CNGA1: variants seen among roughly 807,000 people sequenced by gnomAD.
CNGA1 encodes the protein cyclic nucleotide gated channel subunit alpha 1.
A neutral mutation model predicts 69.7 loss-of-function variants in CNGA1; 53 were observed. That is an observed-to-expected ratio of 0.76 (90% CI 0.61 to 0.96). CNGA1 has a LOEUF of 0.96. CNGA1 is among the 40% of genes least tolerant of loss of function. The probability of loss-of-function intolerance (pLI) is 0.00; values close to 1 mark genes in which losing one functional copy is unlikely to be tolerated. For synonymous variants in CNGA1, 249 were observed against 283.5 expected, an observed-to-expected ratio of 0.88 and a Z score of 1.22; for missense variants, 739 against 811.2, an observed-to-expected ratio of 0.91 and a Z score of 1.08.
intron 6 of CNGA1, among the ~76,000 whole-genome samples, chr4:47,948,062 C>T (rs539206657): frequency 6.6e-6 from 1 of 152,246 alleles, no homozygotes; most frequent in East Asian, 1.9e-4. Context: ...TATATTATGA[C>T]TATTCATTTG....
chr4:47,938,537 C>A (rs571111344), intron 10 of CNGA1, among the ~76,000 whole-genome samples: 6 of 152,068 alleles, frequency 3.9e-5, no homozygotes, highest in African/African-American at 1.2e-4. Flanking sequence ...GGACTACAGG[C>A]ACGTGCCACC....
intron 3 of CNGA1, among the ~76,000 whole-genome samples, chr4:47,980,722 C>G (rs1451584666): frequency 6.6e-6 from 1 of 152,114 alleles, no homozygotes; most frequent in South Asian, 2.1e-4. Context: ...GATCTACCTA[C>G]TCCAGCCTCC....
Position 47,976,231 on chromosome 4 carries a change from ACATATATATG to A in CNGA1, c.-15+5152_-15+5161del, listed in dbSNP as rs1336265539. Reference sequence around the variant, plus strand: ...TATATATACACATACATATATATATACATATATATGTATATATATATACACATACATATAT... The same window carrying A: ...TATATATACACATACATATATATATATATATATATATACACATACATATAT... On this transcript the variant is annotated intron_variant, in intron 3 of 10. Transcript: ENST00000514170. Among the ~76,000 whole-genome samples, 8 of 59,184 alleles carry A rather than the reference ACATATATATG, an allele frequency of 1.4e-4. 1 individual carries two copies. Among genetic ancestry groups the A allele is most frequent in the African/African-American group, 1.3e-3 (8 of 6,310 alleles). 38.8% of individuals were successfully genotyped at this position (59,184 alleles called of 152,430 possible). A position where few individuals can be genotyped will look rare whatever the true frequency, so the allele number is the denominator to read the frequency against.
chr4:47,965,224 G>A (rs1187585549), intron 3 of CNGA1, among the ~76,000 whole-genome samples: 2 of 152,080 alleles, frequency 1.3e-5, no homozygotes, highest in Non-Finnish European at 2.9e-5. Flanking sequence ...CCATTAGTTT[G>A]AGGTAGATGT....
chr4:47,968,766 A>C (rs77224564), intron 3 of CNGA1, among the ~76,000 whole-genome samples: 2,427 of 152,228 alleles, frequency 0.016, 65 homozygotes, highest in African/African-American at 0.056. Flanking sequence ...GGGCCTGGGT[A>C]AGTAGGATTT....
At position 47,951,463 on chromosome 4, in the gene CNGA1, A is replaced by G; in HGVS notation, c.114T>C (p.Phe38=). ...TAGAGGCACTGTCATCATCCTCAGA[A>G]AAGGAGCTACAGTCCAATAGGAGGC... is the stretch of plus-strand genomic sequence containing the variant. ...RRMENGACSS[F]SEDDDSASTS... is the part of the protein sequence containing the mutation. The change falls in exon 5 of 11, where the codon TTT becomes TTC. Residue 38 remains phenylalanine (F), a synonymous_variant. Coordinates refer to ENST00000514170, the MANE Select transcript of CNGA1 (RefSeq NM_001379270.1). 3 of 1,607,282 alleles carry G rather than the reference A, an allele frequency of 1.9e-6. No homozygotes were observed. Among genetic ancestry groups the G allele is most frequent in the Non-Finnish European group, 2.6e-6 (3 of 1,173,938 alleles).
chr4:47,948,460 G>A (rs991740185), intron 6 of CNGA1, among the ~76,000 whole-genome samples: 12 of 152,212 alleles, frequency 7.9e-5, no homozygotes, highest in Admixed American at 7.9e-4. Context: ...GGTGACAAAT[G>A]TAGGAAAGGT....
At chr4:47,984,505 C>G (rs561083017) in intron 2 of CNGA1, among the ~76,000 whole-genome samples, 1 of 151,948 alleles carries the variant, frequency 6.6e-6, no homozygotes, top group South Asian at 2.1e-4. Context: ...GTAATCCCAG[C>G]TACTCAGGAG....
chr4:47,945,457 G>C (rs914392642), intron 6 of CNGA1, among the ~76,000 whole-genome samples: 1 of 152,112 alleles, frequency 6.6e-6, no homozygotes, highest in Admixed American at 6.6e-5. Flanking sequence ...AGAATACTTA[G>C]ATACATTGAA....
chr4:47,981,792 T>C (rs1159204451), intron 2 of CNGA1, among the ~76,000 whole-genome samples: 1 of 152,202 alleles, frequency 6.6e-6, no homozygotes, highest in East Asian at 1.9e-4. Flanking sequence ...ACATGTACTA[T>C]TGCCTGATGA....
intron 2 of CNGA1, among the ~76,000 whole-genome samples, chr4:47,991,665 G>T (rs28869239): frequency 0.02 from 3,033 of 152,212 alleles, 102 homozygotes; most frequent in African/African-American, 0.069. Flanking sequence ...AAGCACTTTA[G>T]TTTAATTAAG....
chr4:47,986,182 C>G (rs575618515), intron 2 of CNGA1, among the ~76,000 whole-genome samples: 1 of 152,080 alleles, frequency 6.6e-6, no homozygotes, highest in Admixed American at 6.6e-5. Context: ...CAGAGGTGGG[C>G]GGATCACTTG....
chr4:47,962,706 C>T (rs1172203238), intron 3 of CNGA1, among the ~76,000 whole-genome samples: 3 of 152,140 alleles, frequency 2.0e-5, no homozygotes, highest in African/African-American at 7.2e-5. Flanking sequence ...TTTAACTTCT[C>T]GTTACACTGA....
chr4:47,975,037 A>C (rs1249839549), intron 3 of CNGA1, among the ~76,000 whole-genome samples: 3 of 152,240 alleles, frequency 2.0e-5, no homozygotes, highest in Non-Finnish European at 2.9e-5. Context: ...TACAAATACT[A>C]GTTGATAATA....
At chr4:47,973,625 G>A (rs1741165090) in intron 3 of CNGA1, among the ~76,000 whole-genome samples, 1 of 151,772 alleles carries the variant, frequency 6.6e-6, no homozygotes, top group Non-Finnish European at 1.5e-5. Context: ...TAAAATAAAT[G>A]ATGCTCTCTT....
At chr4:48,011,320 A>G (rs1715151028) in intron 1 of CNGA1, among the ~76,000 whole-genome samples, 1 of 150,952 alleles carries the variant, frequency 6.6e-6, no homozygotes. Flanking sequence ...ACTAAAAAAA[A>G]AAAAGACAAG....
intron 3 of CNGA1, among the ~76,000 whole-genome samples, chr4:47,978,110 G>A (rs1477576092): frequency 1.3e-5 from 2 of 152,192 alleles, no homozygotes; most frequent in African/African-American, 4.8e-5. Context: ...ACAGGCGTGA[G>A]CCACCGCGCC....
intron 2 of CNGA1, among the ~76,000 whole-genome samples, chr4:48,008,904 G>A (rs192682715): frequency 3.9e-5 from 6 of 152,278 alleles, no homozygotes; most frequent in African/African-American, 1.2e-4. Flanking sequence ...CACAATATCA[G>A]AAGTTATGGT....
At chr4:47,989,937 C>T (rs906245818) in intron 2 of CNGA1, among the ~76,000 whole-genome samples, 2 of 151,032 alleles carry the variant, frequency 1.3e-5, no homozygotes, top group South Asian at 4.1e-4. Context: ...TTATTAGTTC[C>T]CAGAATTAAT....
Sources: gnomAD v4.1 joint callset for allele counts (sites outside exome capture counted in the v4.1 genomes callset) on GRCh38, gnomAD v4.1.1 for gene constraint, MANE v1.5 for transcripts, NCBI Gene and HGNC (gene_info 2026-07-23, HGNC 2026-07-21) for gene names.